The following TRIM9 variants were observed in gnomAD, a reference collection of about 807,000 sequenced individuals.
TRIM9 encodes the protein tripartite motif containing 9, also known as E3 ubiquitin-protein ligase TRIM9.
TRIM9 carries 26 observed loss-of-function variants against 78.3 expected under a neutral mutation model. The ratio of observed to expected loss-of-function variants is 0.33; its 90% CI spans 0.24 to 0.46. The LOEUF is 0.46. Among genes scored for constraint, TRIM9 ranks in the 20% least tolerant of loss-of-function variants. The pLI is 1.00. For missense variants in TRIM9, 787 were observed against 1,036.4 expected, an observed-to-expected ratio of 0.76 and a Z score of 3.30; for synonymous variants, 398 against 416.5, an observed-to-expected ratio of 0.96 and a Z score of 0.54.
chr14:51,018,818 G>C (rs2057471079), intron 3 of TRIM9, among the ~76,000 whole-genome samples: 1 of 152,118 alleles, frequency 6.6e-6, no homozygotes, highest in Non-Finnish European at 1.5e-5. Flanking sequence ...GAATCATTTG[G>C]AATAACTGTA....
chr14:51,094,521 C>G lies in TRIM9; in HGVS notation c.419G>C (p.Arg140Pro). 6.2e-7 allele frequency: 1 copy of G among 1,613,522 alleles called. No homozygotes were observed. The highest frequency in any genetic ancestry group is 8.5e-7 in the Non-Finnish European group (1 of 1,179,916). ...ATTCTTGGGGAAGCCGCGGAGCCCC[C>G]GGTCATCCAGGATGAGGCTGCGGTG... ...QCHRSLILDDRGLRGFPKNRV... is the reference protein window; with the variant it reads ...QCHRSLILDDPGLRGFPKNRV... The change falls in exon 1 of 13, where the codon CGG becomes CCG. Residue 140 changes from arginine (R) to proline (P), a missense_variant. This residue lies in a region of TRIM9 where 352 missense variants were observed against 472.3 expected (regional missense o/e 0.75). Coordinates refer to ENST00000684578, the MANE Select transcript of TRIM9 (RefSeq NM_001387360.1).
At chr14:50,983,039 C>A in intron 9 of TRIM9, 74 bp from the exon 10 acceptor site, 1 of 1,418,816 alleles carries the variant, frequency 7.0e-7, no homozygotes, top group South Asian at 1.2e-5. Flanking sequence ...GAAAATGTGT[C>A]TCTCTTGATA....
At chr14:51,013,301 T>C (rs2056796590) in intron 3 of TRIM9, among the ~76,000 whole-genome samples, 1 of 152,062 alleles carries the variant, frequency 6.6e-6, no homozygotes, top group African/African-American at 2.4e-5. Context: ...TTTTTCCCAT[T>C]GGATAGTCTT....
intron 5 of TRIM9, 85 bp from the exon 6 acceptor site, chr14:51,000,925 C>T: frequency 6.5e-7 from 1 of 1,539,352 alleles, no homozygotes; most frequent in Non-Finnish European, 8.9e-7. Flanking sequence ...CCCTGATAAA[C>T]ACGTGGTTAG....
chr14:51,059,725 G>C (rs972447040), intron 1 of TRIM9, among the ~76,000 whole-genome samples: 1 of 151,042 alleles, frequency 6.6e-6, no homozygotes, highest in African/African-American at 2.4e-5. Context: ...TTGAACCTGG[G>C]AGGCAGAGGT....
chr14:51,015,105 A>G (rs2057011467), intron 3 of TRIM9, among the ~76,000 whole-genome samples: 1 of 152,196 alleles, frequency 6.6e-6, no homozygotes, highest in South Asian at 2.1e-4. Flanking sequence ...TTATTTTGTT[A>G]AGTGGCAAAT....
At chr14:51,038,060 C>A (rs1028929336) in intron 1 of TRIM9, among the ~76,000 whole-genome samples, 1 of 152,098 alleles carries the variant, frequency 6.6e-6, no homozygotes, top group African/African-American at 2.4e-5. Flanking sequence ...ATGCCCGAAT[C>A]CCCAGAACCG....
In TRIM9 at chr14:51,007,626, G is replaced by A. The variant is rs566197319; in HGVS notation, c.1306+1454C>T. 6.6e-5 allele frequency among the ~76,000 whole-genome samples: 10 copies of A among 152,234 alleles called. No individual in the cohort carries two copies. The South Asian group carries it at 2.1e-3, about 32-fold the overall frequency. On this transcript the variant is annotated intron_variant, in intron 5 of 12. Transcript: ENST00000684578. ...CCCCAGTTTCTTCAACTGTCTACTA[G>A]GGTTATGAGAATAAAATGAGTTATA...
chr14:51,055,533 C>T (rs1566621659), intron 1 of TRIM9, among the ~76,000 whole-genome samples: 2 of 152,182 alleles, frequency 1.3e-5, no homozygotes, highest in Non-Finnish European at 2.9e-5. Context: ...AGAAGAGAGT[C>T]AGGAGGGGAT....
intron 8 of TRIM9, among the ~76,000 whole-genome samples, chr14:50,985,082 G>A (rs2052518038): frequency 6.6e-6 from 1 of 152,200 alleles, no homozygotes; most frequent in Non-Finnish European, 1.5e-5. Context: ...TGCATCATGT[G>A]TATCCATGAT....
At chr14:51,059,819 A>C (rs992941907) in intron 1 of TRIM9, among the ~76,000 whole-genome samples, 5 of 151,500 alleles carry the variant, frequency 3.3e-5, no homozygotes, top group Admixed American at 6.6e-5. Flanking sequence ...AACAAAAAAA[A>C]CACAAAAAAA....
chr14:51,034,345 G>A (rs557149354), intron 1 of TRIM9, among the ~76,000 whole-genome samples: 1 of 152,070 alleles, frequency 6.6e-6, no homozygotes, highest in Non-Finnish European at 1.5e-5. Context: ...GCAATAAGAA[G>A]TTTTTGAAAA....
chr14:51,075,093 C>G (rs898205483), intron 1 of TRIM9, among the ~76,000 whole-genome samples: 4 of 152,154 alleles, frequency 2.6e-5, no homozygotes, highest in African/African-American at 9.7e-5. Context: ...CTAACTGGGA[C>G]CTTAGCTCTC....
At chr14:50,988,684 C>T (rs900757567) in intron 7 of TRIM9, among the ~76,000 whole-genome samples, 1 of 151,846 alleles carries the variant, frequency 6.6e-6, no homozygotes, top group Non-Finnish European at 1.5e-5. Flanking sequence ...CAAAAAAATC[C>T]TACCTTGCAA....
intron 2 of TRIM9, 145 bp downstream of exon 2, chr14:51,025,120 T>G: frequency 1.4e-6 from 1 of 733,752 alleles, no homozygotes. Flanking sequence ...TTGATCTCTA[T>G]GTGTTTGTAT....
intron 1 of TRIM9, among the ~76,000 whole-genome samples, chr14:51,084,724 T>C (rs527680391): frequency 6.6e-6 from 1 of 152,332 alleles, no homozygotes; most frequent in Non-Finnish European, 1.5e-5. Flanking sequence ...TATGAATTGA[T>C]GCACTTCATG....
chr14:51,031,555 G>A (rs750281071), intron 1 of TRIM9, among the ~76,000 whole-genome samples: 3 of 151,910 alleles, frequency 2.0e-5, no homozygotes, highest in Non-Finnish European at 2.9e-5. Flanking sequence ...CTGAGCCCCT[G>A]CTCAACCCCT....
intron 1 of TRIM9, among the ~76,000 whole-genome samples, chr14:51,054,660 G>A (rs1252910919): frequency 6.6e-6 from 1 of 151,986 alleles, no homozygotes; most frequent in Admixed American, 6.6e-5. Context: ...TGCAAGCTCC[G>A]CCTCCCGGGT....
chr14:51,000,601 G>C lies in TRIM9; in HGVS notation c.1464+82C>G, dbSNP rs1272797412. The C allele has an allele frequency of 2.6e-6, 4 of 1,565,028 alleles. 1 individual carries two copies. The South Asian group carries it at 4.7e-5, about 18-fold the overall frequency. ...GCCTGTCCCCAGGAGAGATGGGGAA[G>C]CCAGCCCTGAGACTCCCTGGCAGGT... is the stretch of plus-strand genomic sequence containing the variant. On this transcript the variant is annotated intron_variant, in intron 6 of 12. Transcript: ENST00000684578.
Sources: gnomAD v4.1 joint callset for allele counts (sites outside exome capture counted in the v4.1 genomes callset) on GRCh38, gnomAD v4.1.1 for gene constraint, gnomAD v4.1.1 regional missense constraint, MANE v1.5 for transcripts, NCBI Gene and HGNC (gene_info 2026-07-23, HGNC 2026-07-21) for gene names.